The following CRELD1 variants were observed in gnomAD, a reference collection of about 807,000 sequenced individuals.
CRELD1 encodes CRELD disulfide isomerase 1.
In CRELD1, 42 loss-of-function variants were observed where a neutral mutation model predicts 58.2. That is an observed-to-expected ratio of 0.72 (90% CI 0.56 to 0.93). The LOEUF (loss-of-function observed/expected upper bound fraction) is 0.93, where lower values mean the gene tolerates loss of function less well. Ranked by LOEUF, CRELD1 falls within the 40% of genes least tolerant of loss-of-function variation. CRELD1 has a pLI of 0.00. For synonymous variants in CRELD1, 222 were observed against 202.0 expected, an observed-to-expected ratio of 1.10 and a Z score of -0.84; for missense variants, 500 against 540.6, an observed-to-expected ratio of 0.92 and a Z score of 0.74.
Position 9,943,104 on chromosome 3 carries a change from T to TGGGGGC in CRELD1, c.846_851dup (p.Ala284_Gly285dup), listed in dbSNP as rs1357300044. 1 of 1,613,842 alleles carries TGGGGGC rather than the reference T, an allele frequency of 6.2e-7. No homozygotes were observed. Among genetic ancestry groups the TGGGGGC allele is most frequent in the African/African-American group, 1.3e-5 (1 of 75,014 alleles). ...TGTGCCAAGGCCTGCCTAGGCTGCA[T>TGGGGGC]GGGGGCAGGGCCAGGTCGCTGTAAG... On this transcript the variant is annotated inframe_insertion, in exon 9 of 11. Coordinates refer to ENST00000452070, the MANE Select transcript of CRELD1 (RefSeq NM_001077415.3).
At chr3:9,943,594 GCTC>G in intron 10 of CRELD1, 79 bp downstream of exon 10, 4 of 1,606,832 alleles carry the variant, frequency 2.5e-6, no homozygotes, top group Non-Finnish European at 2.5e-6. Flanking sequence ...AGCAGTGGCA[GCTC>G]CAGGCCCTGC....
In CRELD1 at chr3:9,944,933, C is replaced by A; in HGVS notation, c.*354C>A. On this transcript the variant is annotated 3_prime_UTR_variant, in exon 11 of 11. Transcript: ENST00000452070. Reference sequence around the variant, plus strand: ...CATCACAGCTCCCTCCTGCCAGCTGCATGCTGCCAGTTCCTGTTCTGTGTT... The same window carrying A: ...CATCACAGCTCCCTCCTGCCAGCTGAATGCTGCCAGTTCCTGTTCTGTGTT... The A allele has an allele frequency of 2.7e-6, 1 of 369,808 alleles. No individual in the cohort carries two copies. The allele number at this position is 369,808 out of a possible 1,614,324, so 22.9% of individuals were successfully genotyped here. A position where few individuals can be genotyped will look rare whatever the true frequency, so the allele number is the denominator to read the frequency against.
chr3:9,944,536 A>G lies in CRELD1; in HGVS notation c.1220A>G (p.Glu407Gly). Reference protein sequence around the residue: ...VAAMTGYWLSERSDRVLEGFI... With the variant: ...VAAMTGYWLSGRSDRVLEGFI... ...GCCATGACTGGCTACTGGTTGTCAG[A>G]GCGCAGTGACCGTGTGCTGGAGGGC... The change falls in exon 11 of 11, where the codon GAG (glutamate) becomes GGG (glycine). Residue 407 changes from glutamate (E) to glycine (G), a missense_variant. Transcript: ENST00000452070. 2 of 1,611,562 alleles carry G rather than the reference A, an allele frequency of 1.2e-6. No homozygotes were observed. The highest frequency in any genetic ancestry group is 1.3e-5 in the African/African-American group (1 of 74,990).
intron 3 of CRELD1, chr3:9,936,055 G>A (rs2085183663): frequency 6.6e-6 from 1 of 152,208 alleles, no homozygotes; most frequent in Non-Finnish European, 1.5e-5. Context: ...CGAGCCCTGA[G>A]CCCTCCAGCT....
intron 3 of CRELD1, among the ~76,000 whole-genome samples, chr3:9,936,861 G>T (rs1051810308): frequency 6.6e-6 from 1 of 152,080 alleles, no homozygotes; most frequent in Non-Finnish European, 1.5e-5. Flanking sequence ...TGTTTTCAAG[G>T]TTCACCCATA....
intron 7 of CRELD1, 141 bp downstream of exon 7, chr3:9,941,347 T>C: frequency 1.5e-6 from 1 of 685,400 alleles, no homozygotes; most frequent in South Asian, 1.8e-5. Flanking sequence ...GGCAGAAAAG[T>C]AACCAGATAC....
At chr3:9,943,797 G>C (rs1409241916) in intron 10 of CRELD1, 2 of 1,610,592 alleles carry the variant, frequency 1.2e-6, no homozygotes, top group Non-Finnish European at 1.7e-6. Context: ...GCCCTGGCCT[G>C]CTGAGAGCTG....
intron 7 of CRELD1, among the ~76,000 whole-genome samples, chr3:9,942,241 A>G (rs1425115300): frequency 6.6e-6 from 1 of 151,732 alleles, no homozygotes; most frequent in Non-Finnish European, 1.5e-5. Flanking sequence ...ATTGCACTCT[A>G]GCCTGGGTGA....
In CRELD1 at chr3:9,944,668, T is replaced by C; in HGVS notation, c.*89T>C. ...CTGCTGGACACTCAGGACAGCTTGG[T>C]TTATTTTTGAGAGTGGGGTAAGCAC... On this transcript the variant is annotated 3_prime_UTR_variant, in exon 11 of 11. Coordinates refer to ENST00000452070, the MANE Select transcript of CRELD1 (RefSeq NM_001077415.3). The C allele has an allele frequency of 7.7e-7, 1 of 1,296,086 alleles. No homozygotes were observed. The highest frequency in any genetic ancestry group is 1.1e-6 in the Non-Finnish European group (1 of 928,128). 80.3% of individuals were successfully genotyped at this position (1,296,086 alleles called of 1,614,324 possible). A position where few individuals can be genotyped will look rare whatever the true frequency, so the allele number is the denominator to read the frequency against.
chr3:9,936,772 A>C (rs2085209343), intron 3 of CRELD1, among the ~76,000 whole-genome samples: 1 of 152,160 alleles, frequency 6.6e-6, no homozygotes, highest in Non-Finnish European at 1.5e-5. Context: ...TTAGTCAAGC[A>C]GAAATTATGG....
Position 9,942,979 on chromosome 3 carries a change from TCTC to T in CRELD1, c.817+84_817+86del, listed in dbSNP as rs2085409407. ...CACCTGTCCCTCCAAACCTTCCCCTTCTCAGGCTTCAGAGCACCCCCAGGCCTC... is the reference window on the plus strand; with the variant it reads ...CACCTGTCCCTCCAAACCTTCCCCTTAGGCTTCAGAGCACCCCCAGGCCTC... On this transcript the variant is annotated intron_variant, in intron 8 of 10. Transcript: ENST00000452070. The T allele has an allele frequency of 6.5e-6, 10 of 1,544,662 alleles. No individual in the cohort carries two copies. The Admixed American group carries it at 1.7e-4, about 26-fold the overall frequency.
intron 3 of CRELD1, chr3:9,936,348 C>G (rs1367345550): frequency 6.6e-6 from 1 of 152,154 alleles, no homozygotes; most frequent in African/African-American, 2.4e-5. Flanking sequence ...GAGGCACTTC[C>G]AGCTTTGTAA....
chr3:9,936,286 C>T (rs974213788), intron 3 of CRELD1: 7 of 152,154 alleles, frequency 4.6e-5, no homozygotes, highest in Middle Eastern at 3.4e-3. Context: ...TTTCCTTCGC[C>T]GGGCCTGAGT....
intron 10 of CRELD1, 91 bp downstream of exon 10, chr3:9,943,606 G>A: frequency 1.2e-6 from 2 of 1,600,638 alleles, no homozygotes; most frequent in Non-Finnish European, 1.7e-6. Context: ...TCCAGGCCCT[G>A]CCCCATCCCT....
intron 4 of CRELD1, 139 bp from the exon 5 acceptor site, chr3:9,937,876 G>T: frequency 2.7e-6 from 2 of 752,988 alleles, no homozygotes; most frequent in South Asian, 1.5e-5. Context: ...TGGGGAAAGG[G>T]CATTGGTCAG....
At chr3:9,938,447 C>A in intron 5 of CRELD1, 1 of 332,058 alleles carries the variant, frequency 3.0e-6, no homozygotes. Flanking sequence ...GATCGCCATC[C>A]ATCCTCACAC....
intron 3 of CRELD1, chr3:9,935,969 T>C (rs2085180934): frequency 6.6e-6 from 1 of 152,172 alleles, no homozygotes; most frequent in Non-Finnish European, 1.5e-5. Flanking sequence ...AGCCATTATA[T>C]AGTCAATATA....
chr3:9,935,634 C>T, intron 3 of CRELD1: 1 of 152,136 alleles, frequency 6.6e-6, no homozygotes, highest in Non-Finnish European at 1.5e-5. Context: ...GTATATTTTG[C>T]AGAGAGAACA....
At chr3:9,935,246 A>G (rs1248621648) in intron 3 of CRELD1, among the ~76,000 whole-genome samples, 4 of 152,208 alleles carry the variant, frequency 2.6e-5, no homozygotes, top group African/African-American at 7.2e-5. Context: ...GAAGCGAGCT[A>G]TGTGACAGGG....
Sources: gnomAD v4.1 joint callset for allele counts (sites outside exome capture counted in the v4.1 genomes callset) on GRCh38, gnomAD v4.1.1 for gene constraint, MANE v1.5 for transcripts, NCBI Gene and HGNC (gene_info 2026-07-23, HGNC 2026-07-21) for gene names.